The following SNAP47 variants were observed in gnomAD, a reference collection of about 807,000 sequenced individuals.
SNAP47 encodes synaptosome associated protein 47.
A neutral mutation model predicts 31.4 loss-of-function variants in SNAP47; 20 were observed. The observed-to-expected ratio is 0.64, with a 90% CI of 0.45 to 0.93. The LOEUF (loss-of-function observed/expected upper bound fraction) is 0.93, where lower values mean the gene tolerates loss of function less well. Among genes scored for constraint, SNAP47 ranks in the 40% least tolerant of loss-of-function variants. The probability of loss-of-function intolerance (pLI) is 0.00; values close to 1 mark genes in which losing one functional copy is unlikely to be tolerated. For missense variants in SNAP47, 492 were observed against 528.5 expected (o/e 0.93, Z 0.68); for synonymous variants, 194 against 213.4 (o/e 0.91, Z 0.79).
In SNAP47 at chr1:227,735,480, A is replaced by G. The variant is rs747985769; in HGVS notation, c.-65A>G. The G allele has an allele frequency of 9.1e-6, 13 of 1,426,142 alleles. No homozygotes were observed. In the African/African-American group the frequency reaches 1.0e-4, roughly 11 times the overall value. The allele number at this position is 1,426,142 out of a possible 1,614,324, so 88.3% of individuals were successfully genotyped here. A position where few individuals can be genotyped will look rare whatever the true frequency, so the allele number is the denominator to read the frequency against. On this transcript the variant is annotated 5_prime_UTR_variant, in exon 1 of 5. Transcript: ENST00000617596. ...CCGAGGCGCCGCGGTCGGCTCTGGG[A>G]CTCGTCTGGCGTCCCTCAGGTGAGC...
At chr1:227,776,297 C>A in intron 4 of SNAP47, 1 of 997,658 alleles carries the variant, frequency 1.0e-6, no homozygotes, top group Non-Finnish European at 1.2e-6. Context: ...GTCCTTCAAG[C>A]ACTCCTTGCT....
At chr1:227,751,713 G>A (rs1207252457) in intron 2 of SNAP47, among the ~76,000 whole-genome samples, 4 of 142,464 alleles carry the variant, frequency 2.8e-5, no homozygotes, top group Admixed American at 7.1e-5. Flanking sequence ...AAAACAATGC[G>A]AAGGAATGGG....
chr1:227,747,589 C>T (rs1476836698), intron 1 of SNAP47, 103 bp from the exon 2 acceptor site: 14 of 1,201,684 alleles, frequency 1.2e-5, no homozygotes, highest in Non-Finnish European at 1.6e-5. Context: ...CGTGCTGCAG[C>T]CTGTGTGAGC....
rs1326265772 is a variant in SNAP47 at position 227,728,947 on chromosome 1, G to C, written c.-95+161G>C. ...CTCTGGTGCCTTCACGCAGGGGAGGGGGGCGGCAGGCTGCAGAGGAAGGCC... is the reference window on the plus strand; with the variant it reads ...CTCTGGTGCCTTCACGCAGGGGAGGCGGGCGGCAGGCTGCAGAGGAAGGCC... On this transcript the variant is annotated intron_variant, in intron 1 of 3. Coordinates refer to the SNAP47 transcript ENST00000366760. 3.9e-5 allele frequency among the ~76,000 whole-genome samples: 6 copies of C among 152,280 alleles called. No homozygotes were observed. In the East Asian group the frequency reaches 1.2e-3, roughly 30 times the overall value.
At chr1:227,748,342 C>T in intron 2 of SNAP47, 109 bp downstream of exon 2, 1 of 1,228,148 alleles carries the variant, frequency 8.1e-7, no homozygotes, top group Non-Finnish European at 1.1e-6. Flanking sequence ...ACACATCCAG[C>T]ATTCTGAGAT....
rs142398222 is a variant in SNAP47 at position 227,736,889 on chromosome 1, T to C, written c.-46+1390T>C. Among the ~76,000 whole-genome samples, 690 of 152,196 alleles carry C rather than the reference T, an allele frequency of 4.5e-3. 18 individuals are homozygous for C. In the South Asian group the frequency reaches 0.055, roughly 12 times the overall value. On this transcript the variant is annotated intron_variant, in intron 1 of 4. Transcript: ENST00000617596. ...CTGCGGTAGTCCTCGAGACGGGCAG[T>C]AAGGGAAAAGGGATGTCCTCCCTAG...
In SNAP47 at chr1:227,747,753, G is replaced by A; in HGVS notation, c.17G>A (p.Cys6Tyr). The change falls in exon 2 of 5, where the codon TGC becomes TAC. Residue 6 changes from cysteine (C) to tyrosine (Y), a missense_variant. Transcript: ENST00000617596. MSRDVCIHTWPCTYYL... is the reference protein window; with the variant it reads MSRDVYIHTWPCTYYL... ...CAGGAACAGATGAGCAGGGATGTCT[G>A]CATCCACACCTGGCCGTGCACCTAC... 6.2e-7 allele frequency: 1 copy of A among 1,613,884 alleles called. No homozygotes were observed. Among genetic ancestry groups the A allele is most frequent in the Non-Finnish European group, 8.5e-7 (1 of 1,179,856 alleles).
chr1:227,776,239 A>G, intron 4 of SNAP47: 3 of 1,063,744 alleles, frequency 2.8e-6, no homozygotes, highest in African/African-American at 1.6e-5. Context: ...GAACACTTCT[A>G]TCAGGTCTGG....
chr1:227,728,934 C>CA (rs1173023972), intron 1 of SNAP47: 2 of 152,860 alleles, frequency 1.3e-5, no homozygotes. Flanking sequence ...CTGGTGCCTT[C>CA]ACGCAGGGGA....
rs1297882679 is a variant in SNAP47, at chr1:227,762,388, G to A, written c.988+2903G>A. On this transcript the variant is annotated intron_variant, in intron 3 of 4. Coordinates refer to ENST00000617596, the MANE Select transcript of SNAP47 (RefSeq NM_053052.4). The surrounding 1 kb of genome is among the most constrained non-coding windows in gnomAD (Gnocchi z 4.2). ...GAAGGCGGCGCCCCGTTTGATGGGA[G>A]CTCAGTAGTCTGTGGGGCACTTGTG... 2.0e-5 allele frequency among the ~76,000 whole-genome samples: 3 copies of A among 152,238 alleles called. No homozygotes were observed. In the East Asian group the frequency reaches 5.8e-4, roughly 29 times the overall value.
intron 2 of SNAP47, among the ~76,000 whole-genome samples, chr1:227,749,726 G>A (rs1471123871): frequency 1.3e-5 from 2 of 151,820 alleles, no homozygotes; most frequent in African/African-American, 2.4e-5. Flanking sequence ...TTAAGGACAC[G>A]TCCTTGAGAG....
rs968354156 is a variant in SNAP47 at position 227,768,560 on chromosome 1, A to G, written c.1113+1477A>G. ...AGCTTGTTTGGGGAAAAAGGTGTTC[A>G]TATTTGCTCTGGGGTAATTCAAGTG... On this transcript the variant is annotated intron_variant, in intron 4 of 4. Coordinates refer to ENST00000617596, the MANE Select transcript of SNAP47 (RefSeq NM_053052.4). Among the ~76,000 whole-genome samples, 5 of 152,216 alleles carry G rather than the reference A, an allele frequency of 3.3e-5. No homozygotes were observed. The East Asian group carries it at 5.8e-4, about 18-fold the overall frequency.
At chr1:227,737,816 G>A (rs545143588) in intron 1 of SNAP47, among the ~76,000 whole-genome samples, 2 of 152,254 alleles carry the variant, frequency 1.3e-5, no homozygotes, top group East Asian at 3.9e-4. Context: ...TTGTTTTGGG[G>A]ATTGTGTGAT....
At position 227,776,880 on chromosome 1, in the gene SNAP47, C is replaced by T. The variant is rs75151027; in HGVS notation, c.1114-3647C>T. 920 of 985,398 alleles carry T rather than the reference C, an allele frequency of 9.3e-4. 9 individuals are homozygous for T. In the African/African-American group the frequency reaches 0.014, roughly 15 times the overall value. 61.0% of individuals were successfully genotyped at this position (985,398 alleles called of 1,614,324 possible). A position where few individuals can be genotyped will look rare whatever the true frequency, so the allele number is the denominator to read the frequency against. ...ATGAGTTCTCTTTTAAGGCCTTCAA[C>T]GTAGTGAGACATTTTCAAATCAAAA... On this transcript the variant is annotated intron_variant, in intron 4 of 4. Coordinates refer to ENST00000617596, the MANE Select transcript of SNAP47 (RefSeq NM_053052.4).
At chr1:227,775,433 C>G (rs1417916040) in intron 4 of SNAP47, among the ~76,000 whole-genome samples, 1 of 152,192 alleles carries the variant, frequency 6.6e-6, no homozygotes, top group Admixed American at 6.5e-5. Flanking sequence ...GCAGACTGCT[C>G]TCGGTGCTTG....
upstream of SNAP47, chr1:227,732,289 G>A: frequency 1.5e-6 from 2 of 1,368,130 alleles, no homozygotes; most frequent in Non-Finnish European, 2.0e-6. Flanking sequence ...GCCTCGACAG[G>A]GGTGGGCCCC....
Position 227,763,550 on chromosome 1 carries a change from G to A in SNAP47, c.989-3409G>A, listed in dbSNP as rs1663196674. Among the ~76,000 whole-genome samples the A allele has an allele frequency of 1.3e-5, 2 of 152,210 alleles. No individual in the cohort carries two copies. Among genetic ancestry groups the A allele is most frequent in the Non-Finnish European group, 2.9e-5 (2 of 68,036 alleles). On this transcript the variant is annotated intron_variant, in intron 3 of 4. Coordinates refer to ENST00000617596, the MANE Select transcript of SNAP47 (RefSeq NM_053052.4). The surrounding 1 kb of genome is among the most constrained non-coding windows in gnomAD (Gnocchi z 4.2). Reference sequence around the variant, plus strand: ...AGGCAGGGAAGTTCCCACTGGAGCTGAAGCACCCAGGAGCCTGCTGTGGCA... The same window carrying A: ...AGGCAGGGAAGTTCCCACTGGAGCTAAAGCACCCAGGAGCCTGCTGTGGCA...
At chr1:227,732,202 A>G, upstream of SNAP47, 1 of 648,638 alleles carries the variant, frequency 1.5e-6, no homozygotes, top group Non-Finnish European at 2.7e-6. Flanking sequence ...GCCACATCCC[A>G]TCTTGGGTCC....
At position 227,773,154 on chromosome 1, in the gene SNAP47, A is replaced by G. The variant is rs1437914881; in HGVS notation, c.1113+6071A>G. ...TTTTTTTTTTTTTTTTTTTTTTTGTAGACATGGAGTCTCCCTATGTTGCCC... is the reference window on the plus strand; with the variant it reads ...TTTTTTTTTTTTTTTTTTTTTTTGTGGACATGGAGTCTCCCTATGTTGCCC... On this transcript the variant is annotated intron_variant, in intron 4 of 4. Coordinates refer to ENST00000617596, the MANE Select transcript of SNAP47 (RefSeq NM_053052.4). 5.2e-4 allele frequency among the ~76,000 whole-genome samples: 33 copies of G among 63,542 alleles called. No homozygotes were observed. In the East Asian group the frequency reaches 0.016, roughly 31 times the overall value. The allele number at this position is 63,542 out of a possible 152,430, so 41.7% of individuals were successfully genotyped here. A position where few individuals can be genotyped will look rare whatever the true frequency, so the allele number is the denominator to read the frequency against.
Sources: gnomAD v4.1 joint callset for allele counts (sites outside exome capture counted in the v4.1 genomes callset) on GRCh38, gnomAD v4.1.1 for gene constraint, Gnocchi (gnomAD v3.1) non-coding constraint, MANE v1.5 for transcripts, NCBI Gene and HGNC (gene_info 2026-07-23, HGNC 2026-07-21) for gene names.